The following CHMP2B variants were observed in gnomAD, a reference collection of about 807,000 sequenced individuals.
The protein encoded by CHMP2B is VPS2 homolog B.
In CHMP2B, 22 loss-of-function variants were observed where a neutral mutation model predicts 29.8. That is an observed-to-expected ratio of 0.74 (90% CI 0.53 to 1.05). The LOEUF is 1.05. Ranked by LOEUF, CHMP2B falls within the 50% of genes least tolerant of loss-of-function variation. The probability of loss-of-function intolerance (pLI) is 0.00; values close to 1 mark genes in which losing one functional copy is unlikely to be tolerated. For missense variants in CHMP2B, 261 were observed against 252.2 expected (o/e 1.03, Z -0.24); for synonymous variants, 78 against 75.8 (o/e 1.03, Z -0.15).
chr3:87,250,020 T>C (rs1225925845), intron 4 of CHMP2B, 43 bp downstream of exon 4: 2 of 1,195,280 alleles, frequency 1.7e-6, no homozygotes, highest in African/African-American at 1.5e-5. Context: ...TTTTCTCATC[T>C]TTGAATTAGC....
At chr3:87,252,673 C>A (rs757724605) in intron 4 of CHMP2B, among the ~76,000 whole-genome samples, 9 of 151,818 alleles carry the variant, frequency 5.9e-5, no homozygotes, top group Non-Finnish European at 8.8e-5. Flanking sequence ...TACCCGAGGT[C>A]TTTGTTTTTC....
intron 1 of CHMP2B, among the ~76,000 whole-genome samples, chr3:87,240,093 A>G (rs531697589): frequency 6.6e-6 from 1 of 151,676 alleles, no homozygotes; most frequent in African/African-American, 2.4e-5. Context: ...TATGTGCTAT[A>G]TTAAACACTA....
At chr3:87,229,324 T>G (rs997940983) in intron 1 of CHMP2B, among the ~76,000 whole-genome samples, 2 of 152,184 alleles carry the variant, frequency 1.3e-5, no homozygotes, top group Non-Finnish European at 2.9e-5. Flanking sequence ...TAGACTTATT[T>G]GTAAAAGAGT....
At chr3:87,235,584 T>A (rs1422227334) in intron 1 of CHMP2B, among the ~76,000 whole-genome samples, 1 of 152,216 alleles carries the variant, frequency 6.6e-6, no homozygotes, top group African/African-American at 2.4e-5. Context: ...GTGACTGTTA[T>A]GATACATATA....
At chr3:87,240,667 AT>A in intron 1 of CHMP2B, 31 bp from the exon 2 acceptor site, 1 of 1,447,450 alleles carries the variant, frequency 6.9e-7, no homozygotes, top group Non-Finnish European at 9.7e-7. Context: ...TTTACAACCC[AT>A]AAATTTAGGT....
chr3:87,253,725 C>G lies in CHMP2B; in HGVS notation c.545C>G (p.Pro182Arg). 1 of 1,612,346 alleles carries G rather than the reference C, an allele frequency of 6.2e-7. No homozygotes were observed. Among genetic ancestry groups the G allele is most frequent in the Non-Finnish European group, 8.5e-7 (1 of 1,178,734 alleles). ...TGTTTAATATAGATGGCCAAAGCTC[C>G]ATCAGCTGCTCGAAGCTTACCATCT... ...IEISGKMAKA[P>R]SAARSLPSAS... Residue 182 changes from proline to arginine, a missense_variant, in exon 6 of 6, where the codon CCA becomes CGA. By Grantham distance (103) the Pro-to-Arg change is moderately radical. Coordinates refer to ENST00000263780, the MANE Select transcript of CHMP2B (RefSeq NM_014043.4).
At chr3:87,245,378 C>CTCTT (rs1480452538) in intron 2 of CHMP2B, among the ~76,000 whole-genome samples, 1 of 151,184 alleles carries the variant, frequency 6.6e-6, no homozygotes, top group Non-Finnish European at 1.5e-5. Flanking sequence ...GTCCCACCAA[C>CTCTT]TCTTTGCTTG....
At position 87,253,706 on chromosome 3, in the gene CHMP2B, A is replaced by C. The variant is rs956540488; in HGVS notation, c.532-6A>C. ...GCACGTTTGTCTTTTTCATTGTTTA[A>C]TATAGATGGCCAAAGCTCCATCAGC... On this transcript the variant is annotated splice_region_variant and splice_polypyrimidine_tract_variant and intron_variant, in intron 5 of 5. Transcript: ENST00000263780. The C allele has an allele frequency of 6.2e-7, 1 of 1,610,508 alleles. No individual in the cohort carries two copies. Among genetic ancestry groups the C allele is most frequent in the Admixed American group, 1.7e-5 (1 of 59,798 alleles).
At position 87,253,131 on chromosome 3, in the gene CHMP2B, CA is replaced by C. The variant is rs1407845014; in HGVS notation, c.425-272del. On this transcript the variant is annotated intron_variant, in intron 4 of 5. Coordinates refer to ENST00000263780, the MANE Select transcript of CHMP2B (RefSeq NM_014043.4). ...CTTAAACATGTAGCTGTGACTATCA[CA>C]TTTTTTTGTCTATTAGAATTAATTT... The C allele has an allele frequency of 2.3e-5, 8 of 343,168 alleles. 1 individual carries two copies. The highest frequency in any genetic ancestry group is 1.3e-4 in the African/African-American group (6 of 46,918). 21.3% of individuals were successfully genotyped at this position (343,168 alleles called of 1,614,324 possible). A position where few individuals can be genotyped will look rare whatever the true frequency, so the allele number is the denominator to read the frequency against.
chr3:87,230,749 G>A (rs1705894203), intron 1 of CHMP2B, among the ~76,000 whole-genome samples: 1 of 152,052 alleles, frequency 6.6e-6, no homozygotes, highest in East Asian at 1.9e-4. Flanking sequence ...TTAACAGACT[G>A]CCTCCCCCAC....
At chr3:87,243,588 A>C (rs989601590) in intron 2 of CHMP2B, among the ~76,000 whole-genome samples, 1 of 152,082 alleles carries the variant, frequency 6.6e-6, no homozygotes, top group Non-Finnish European at 1.5e-5. Context: ...TAAATGTGTG[A>C]TAGGATTCAT....
intron 1 of CHMP2B, among the ~76,000 whole-genome samples, chr3:87,231,897 A>G (rs886938623): frequency 6.6e-6 from 1 of 152,164 alleles, no homozygotes; most frequent in Non-Finnish European, 1.5e-5. Flanking sequence ...CACTAGAACC[A>G]TAGTAGACCC....
intron 1 of CHMP2B, among the ~76,000 whole-genome samples, chr3:87,237,180 A>G (rs1325740699): frequency 6.6e-6 from 1 of 152,188 alleles, no homozygotes; most frequent in Non-Finnish European, 1.5e-5. Flanking sequence ...GTCAGCCTAT[A>G]GATGTCTGAG....
intron 1 of CHMP2B, among the ~76,000 whole-genome samples, chr3:87,230,162 A>G (rs534276834): frequency 6.6e-6 from 1 of 152,192 alleles, no homozygotes; most frequent in African/African-American, 2.4e-5. Flanking sequence ...CCTGTAAATC[A>G]GGATCCCACT....
Position 87,249,885 on chromosome 3 carries a change from C to T in CHMP2B, c.332C>T (p.Ala111Val). The T allele has an allele frequency of 6.3e-7, 1 of 1,592,304 alleles. No individual in the cohort carries two copies. Residue 111 changes from alanine (A) to valine (V), a missense_variant, in exon 4 of 6, where the codon GCA becomes GTA. Coordinates refer to ENST00000263780, the MANE Select transcript of CHMP2B (RefSeq NM_014043.4). ...TAAATACATTTAAAGACAATGCAGG[C>T]AGTTAACAAGAAGATGGATCCACAA... Reference protein sequence around the residue: ...AMSTTAKTMQAVNKKMDPQKT... With the variant: ...AMSTTAKTMQVVNKKMDPQKT...
In CHMP2B at chr3:87,238,537, A is replaced by G. The variant is rs1706056893; in HGVS notation, c.35-2162A>G. ...TATGGAATTACCTCTGATATTTCATATAAATGTAATTATAAATTGTGACCC... is the reference window on the plus strand; with the variant it reads ...TATGGAATTACCTCTGATATTTCATGTAAATGTAATTATAAATTGTGACCC... On this transcript the variant is annotated intron_variant, in intron 1 of 5. Transcript: ENST00000263780. 3.3e-5 allele frequency among the ~76,000 whole-genome samples: 5 copies of G among 152,200 alleles called. No individual in the cohort carries two copies. In the South Asian group the frequency reaches 1.0e-3, roughly 31 times the overall value.
chr3:87,245,370 C>T (rs1194146054), intron 2 of CHMP2B, among the ~76,000 whole-genome samples: 3 of 151,522 alleles, frequency 2.0e-5, no homozygotes, highest in Admixed American at 2.0e-4. Context: ...ATTGCTCTGT[C>T]CCACCAACTC....
At position 87,255,474 on chromosome 3, in the gene CHMP2B, G is replaced by T. The variant is rs943223468; in HGVS notation, c.*1652G>T. 6.6e-6 allele frequency: 1 copy of T among 152,192 alleles called. No homozygotes were observed. Among genetic ancestry groups the T allele is most frequent in the African/African-American group, 2.4e-5 (1 of 41,328 alleles). The allele number at this position is 152,192 out of a possible 1,614,324, so 9.4% of individuals were successfully genotyped here. A position where few individuals can be genotyped will look rare whatever the true frequency, so the allele number is the denominator to read the frequency against. On this transcript the variant is annotated 3_prime_UTR_variant, in exon 6 of 6. Transcript: ENST00000263780. The stretch of plus-strand genomic sequence containing the variant: ...TATTTTGTTAAAAAATCTCAATAAA[G>T]ATTTATTATTGTTGTTCTTTTCTTA...
chr3:87,251,586 AT>A (rs1559610972), intron 4 of CHMP2B, among the ~76,000 whole-genome samples: 1 of 151,908 alleles, frequency 6.6e-6, no homozygotes, highest in Non-Finnish European at 1.5e-5. Flanking sequence ...ATGGTTACTC[AT>A]TTTTTTAATA....
Sources: gnomAD v4.1 joint callset for allele counts (sites outside exome capture counted in the v4.1 genomes callset) on GRCh38, gnomAD v4.1.1 for gene constraint, MANE v1.5 for transcripts, NCBI Gene and HGNC (gene_info 2026-07-23, HGNC 2026-07-21) for gene names.